DLG5: variants seen among roughly 807,000 people sequenced by gnomAD.
The protein encoded by DLG5 is disks large homolog 5.
Under a neutral mutation model 189.8 loss-of-function variants are expected in DLG5, and 48 were observed. That is an observed-to-expected ratio of 0.25 (90% CI 0.20 to 0.32). The LOEUF is 0.32. Among genes scored for constraint, DLG5 ranks in the 10% least tolerant of loss-of-function variants. The pLI, the probability that DLG5 is intolerant of heterozygous loss-of-function variation, is 1.00. For synonymous variants in DLG5, 1,016 were observed against 1,054.1 expected (o/e 0.96, Z 0.70); for missense variants, 2,160 against 2,544.7 (o/e 0.85, Z 3.25).
rs1840686127 is a variant in DLG5, at chr10:77,792,472, T to C, written c.5728A>G (p.Lys1910Glu). 3 of 1,614,112 alleles carry C rather than the reference T, an allele frequency of 1.9e-6. No individual in the cohort carries two copies. Among genetic ancestry groups the C allele is most frequent in the African/African-American group, 1.3e-5 (1 of 74,938 alleles). ...GGGCAGGCTGGAATCCACAGGACTT[T>C]ATTTTGTTCTTGATTGACCATTGCC... ...ILAMVNQEQN[K>E]VLWIPACPL Residue 1910 changes from lysine to glutamate, a missense_variant, in exon 32 of 32, where the codon AAA becomes GAA. Physicochemically the swap from Lys to Glu is moderately conservative, Grantham distance 56 (BLOSUM62 1). Transcript: ENST00000372391.
upstream of DLG5, chr10:77,926,765 G>A (rs1846710931): frequency 1.2e-5 from 2 of 161,936 alleles, no homozygotes; most frequent in African/African-American, 4.8e-5. The surrounding 1 kb of genome is among the most constrained non-coding windows in gnomAD (Gnocchi z 5.2). Context: ...GGAAGAGGAG[G>A]AGGAGGAGAC....
At chr10:77,872,364 G>A (rs1330730743) in intron 1 of DLG5, among the ~76,000 whole-genome samples, 2 of 152,172 alleles carry the variant, frequency 1.3e-5, no homozygotes, top group African/African-American at 4.8e-5. Context: ...CCTGGCTGGG[G>A]GAGTCCACAG....
At chr10:77,928,098 G>A (rs1170575010), upstream of DLG5, 2 of 152,152 alleles carry the variant, frequency 1.3e-5, no homozygotes, top group East Asian at 3.9e-4. Context: ...GAAAGAACAA[G>A]AGTATCAGAA....
chr10:77,865,307 G>A (rs899328074), intron 2 of DLG5, among the ~76,000 whole-genome samples: 3 of 152,066 alleles, frequency 2.0e-5, no homozygotes, highest in African/African-American at 7.2e-5. Context: ...AAAAGTCTGG[G>A]CCAGGAATGA....
At chr10:77,920,819 AGG>A (rs1846512674) in intron 1 of DLG5, among the ~76,000 whole-genome samples, 1 of 152,218 alleles carries the variant, frequency 6.6e-6, no homozygotes, top group African/African-American at 2.4e-5. Context: ...TCGATCCAAG[AGG>A]TCAAACGTCC....
At chr10:77,850,644 A>C (rs1843923677) in intron 5 of DLG5, among the ~76,000 whole-genome samples, 1 of 152,116 alleles carries the variant, frequency 6.6e-6, no homozygotes, top group Non-Finnish European at 1.5e-5. Flanking sequence ...CCCACCAACA[A>C]CATATGCAGG....
intron 1 of DLG5, among the ~76,000 whole-genome samples, chr10:77,905,328 A>G (rs989288764): frequency 1.3e-5 from 2 of 152,096 alleles, no homozygotes; most frequent in Non-Finnish European, 1.5e-5. Flanking sequence ...TAGTATCACA[A>G]GCTCAATAAA....
rs2154574674 is a variant in DLG5, at chr10:77,792,161, T to C, written c.*279A>G. On this transcript the variant is annotated 3_prime_UTR_variant, in exon 32 of 32. Coordinates refer to ENST00000372391, the MANE Select transcript of DLG5 (RefSeq NM_004747.4). ...AAGGTTCTCTTTGCAGCATCTCTGATCAGCTGGCTAAAGAAAGGTGGGTGC... is the reference window on the plus strand; with the variant it reads ...AAGGTTCTCTTTGCAGCATCTCTGACCAGCTGGCTAAAGAAAGGTGGGTGC... The C allele has an allele frequency of 2.1e-6, 1 of 480,892 alleles. No homozygotes were observed. Among genetic ancestry groups the C allele is most frequent in the East Asian group, 3.6e-5 (1 of 28,112 alleles). The allele number at this position is 480,892 out of a possible 1,614,324, so 29.8% of individuals were successfully genotyped here.
At chr10:77,913,236 T>C (rs932492909) in intron 1 of DLG5, among the ~76,000 whole-genome samples, 39 of 151,954 alleles carry the variant, frequency 2.6e-4, no homozygotes, top group Admixed American at 2.2e-3. Flanking sequence ...CAGAGCTGGA[T>C]AGCACCAATC....
chr10:77,835,995 C>T lies in DLG5; in HGVS notation c.1438-73G>A, dbSNP rs1279885638. ...GGACCAGGAGCGCCTCCCACCAGTGCGGGGGCCAAGGCTGAGGCTCTAGGG... is the reference window on the plus strand; with the variant it reads ...GGACCAGGAGCGCCTCCCACCAGTGTGGGGGCCAAGGCTGAGGCTCTAGGG... On this transcript the variant is annotated intron_variant, in intron 7 of 31. Coordinates refer to ENST00000372391, the MANE Select transcript of DLG5 (RefSeq NM_004747.4). The T allele has an allele frequency of 1.7e-5, 26 of 1,502,552 alleles. 1 individual carries two copies. The highest frequency in any genetic ancestry group is 1.1e-4 in the East Asian group (5 of 43,772). 93.1% of individuals were successfully genotyped at this position (1,502,552 alleles called of 1,614,324 possible).
intron 7 of DLG5, among the ~76,000 whole-genome samples, chr10:77,839,626 A>C (rs1183231642): frequency 6.6e-6 from 1 of 152,324 alleles, no homozygotes; most frequent in East Asian, 1.9e-4. Flanking sequence ...TCATTTTCCA[A>C]GTTTCCTTCT....
At chr10:77,822,252 A>T (rs1263150593) in intron 14 of DLG5, 151 bp from the exon 15 acceptor site, 5 of 768,828 alleles carry the variant, frequency 6.5e-6, no homozygotes, top group Non-Finnish European at 1.0e-5. Context: ...GCACACACAC[A>T]TGAACACATA....
At chr10:77,831,633 A>G (rs1479411543) in intron 9 of DLG5, among the ~76,000 whole-genome samples, 1 of 152,318 alleles carries the variant, frequency 6.6e-6, no homozygotes, top group East Asian at 1.9e-4. Flanking sequence ...TGTAGAACAG[A>G]ATAAGGAACC....
Position 77,806,931 on chromosome 10 carries a change from G to A in DLG5, c.4797-3C>T. ...CTGCCAGCCGGTCGTACAGGGCCCT[G>A]GACCACAGCACAGAAGGAACACGAT... On this transcript the variant is annotated splice_polypyrimidine_tract_variant and splice_region_variant and intron_variant, in intron 25 of 31. Coordinates refer to ENST00000372391, the MANE Select transcript of DLG5 (RefSeq NM_004747.4). The A allele has an allele frequency of 6.2e-7, 1 of 1,609,882 alleles. No homozygotes were observed. The highest frequency in any genetic ancestry group is 1.7e-4 in the Middle Eastern group (1 of 6,038).
At chr10:77,845,435 G>C (rs1410445786) in intron 5 of DLG5, 1 of 152,198 alleles carries the variant, frequency 6.6e-6, no homozygotes, top group Non-Finnish European at 1.5e-5. Context: ...ATTAGGGTCA[G>C]CTCTCAATAA....
chr10:77,854,432 C>A lies in DLG5; in HGVS notation c.537-62G>T, dbSNP rs1012879179. 2.5e-6 allele frequency: 4 copies of A among 1,592,692 alleles called. No individual in the cohort carries two copies. In the African/African-American group the frequency reaches 4.0e-5, roughly 16 times the overall value. On this transcript the variant is annotated intron_variant, in intron 3 of 31. Transcript: ENST00000372391. ...CCCAGGATTCACACGGATAGAGGAA[C>A]CAGGTCCTGGATTAGGCCAGCCCAG... is the stretch of plus-strand genomic sequence containing the variant.
At chr10:77,869,305 G>T (rs756013220) in intron 1 of DLG5, 108 bp from the exon 2 acceptor site, 1 of 1,045,620 alleles carries the variant, frequency 9.6e-7, no homozygotes, top group South Asian at 1.3e-5. Flanking sequence ...ACATGCACCA[G>T]GCACTAGAAA....
chr10:77,890,895 G>T (rs1330293281), intron 1 of DLG5, among the ~76,000 whole-genome samples: 2 of 152,028 alleles, frequency 1.3e-5, no homozygotes, highest in African/African-American at 4.8e-5. Context: ...GGTCTCCATG[G>T]GCCCAGCCTA....
chr10:77,878,660 A>C (rs1352840441), intron 1 of DLG5, among the ~76,000 whole-genome samples: 3 of 152,108 alleles, frequency 2.0e-5, no homozygotes, highest in Non-Finnish European at 2.9e-5. Flanking sequence ...TCAATACCTG[A>C]ATACAGCTCT....
Sources: allele counts gnomAD v4.1 joint callset (sites outside exome capture counted in the v4.1 genomes callset), GRCh38; gene constraint gnomAD v4.1.1; non-coding constraint Gnocchi (gnomAD v3.1); transcripts MANE v1.5; gene names NCBI Gene and HGNC (gene_info 2026-07-23, HGNC 2026-07-21).